CCDC92B: variants seen among roughly 807,000 people sequenced by gnomAD.
The protein encoded by CCDC92B is coiled-coil domain-containing 92B.
Under a neutral mutation model 5.6 loss-of-function variants are expected in CCDC92B, and 2 were observed. The ratio of observed to expected loss-of-function variants is 0.36; its 90% confidence interval spans 0.15 to 1.12. CCDC92B has a LOEUF of 1.12. Among genes scored for constraint, CCDC92B ranks in the 50% most tolerant of loss-of-function variants. The pLI is 0.40. For synonymous variants in CCDC92B, 115 were observed against 122.3 expected (o/e 0.94, Z 0.39); for missense variants, 271 against 262.2 (o/e 1.03, Z -0.23).
intron 1 of CCDC92B, chr17:2,748,003 GT>G: frequency 2.4e-6 from 1 of 409,548 alleles, no homozygotes. Flanking sequence ...GAAAGGTAAA[GT>G]AGTTTGCTCA....
chr17:2,738,358 A>G (rs891161974), intron 1 of CCDC92B, among the ~76,000 whole-genome samples: 1 of 151,906 alleles, frequency 6.6e-6, no homozygotes, highest in Non-Finnish European at 1.5e-5. Flanking sequence ...TCTTTCAGTT[A>G]CCTGCTGTGA....
Position 2,721,368 on chromosome 17 carries a change from G to A in CCDC92B, c.*3043C>T, listed in dbSNP as rs1355798402. 6.6e-6 allele frequency: 1 copy of A among 152,316 alleles called. No homozygotes were observed. The highest frequency in any genetic ancestry group is 1.5e-5 in the Non-Finnish European group (1 of 68,110). 9.4% of individuals were successfully genotyped at this position (152,316 alleles called of 1,614,324 possible). ...CCTCTTCAACACTCTCTCTCCCAATGGGGATTCGTGCAGCAGAGGAGAGAG... is the reference window on the plus strand; with the variant it reads ...CCTCTTCAACACTCTCTCTCCCAATAGGGATTCGTGCAGCAGAGGAGAGAG... On this transcript the variant is annotated 3_prime_UTR_variant, in exon 4 of 4. Coordinates refer to ENST00000614400, the MANE Select transcript of CCDC92B (RefSeq NM_001355573.2).
intron 1 of CCDC92B, chr17:2,748,418 T>C (rs778394339): frequency 2.0e-6 from 2 of 985,172 alleles, no homozygotes; most frequent in Non-Finnish European, 2.4e-6. Flanking sequence ...TCTGCCATAT[T>C]ATCACTCTTT....
intron 3 of CCDC92B, among the ~76,000 whole-genome samples, chr17:2,728,673 C>G (rs1452957443): frequency 6.6e-6 from 1 of 151,896 alleles, no homozygotes. Flanking sequence ...CCCAGGTGAT[C>G]TCAAAAGCCC....
Position 2,724,967 on chromosome 17 carries a change from C to T in CCDC92B, c.212G>A (p.Arg71His), listed in dbSNP as rs2070708843. 2 of 985,492 alleles carry T rather than the reference C, an allele frequency of 2.0e-6. No homozygotes were observed. The highest frequency in any genetic ancestry group is 2.4e-6 in the Non-Finnish European group (2 of 830,018). 61.0% of individuals were successfully genotyped at this position (985,492 alleles called of 1,614,324 possible). ...AASRELESKC[R>H]ALESQLEARA... ...CGCCTCCAGCTGCGACTCCAGCGCG[C>T]GGCACTTGCTCTCCAGCTCCCGGGA... Residue 71 changes from arginine (R) to histidine (H), a missense_variant, in exon 4 of 4, where the codon CGC becomes CAC. Transcript: ENST00000614400. The surrounding 1 kb of genome is among the most constrained non-coding windows in gnomAD (Gnocchi z 5.0).
chr17:2,738,879 T>A (rs1453247795), intron 1 of CCDC92B, among the ~76,000 whole-genome samples: 1 of 151,268 alleles, frequency 6.6e-6, no homozygotes, highest in East Asian at 1.9e-4. Flanking sequence ...GAGACCAGGC[T>A]GACCAATATG....
intron 3 of CCDC92B, among the ~76,000 whole-genome samples, chr17:2,727,695 G>A (rs1187707792): frequency 2.0e-5 from 3 of 152,160 alleles, no homozygotes; most frequent in South Asian, 4.2e-4. Flanking sequence ...ATGGTGGTGT[G>A]CGCCTGTGAT....
intron 1 of CCDC92B, among the ~76,000 whole-genome samples, chr17:2,744,907 A>G (rs926120679): frequency 5.3e-5 from 8 of 151,790 alleles, no homozygotes; most frequent in Non-Finnish European, 1.0e-4. Context: ...CGTCTCTACT[A>G]AAGATACAAA....
At chr17:2,726,088 C>A (rs888081427) in intron 3 of CCDC92B, among the ~76,000 whole-genome samples, 6 of 146,518 alleles carry the variant, frequency 4.1e-5, no homozygotes, top group African/African-American at 1.3e-4. Context: ...CTTAGCCTTA[C>A]GGGTTCAAGC....
chr17:2,731,067 C>T (rs567814944), intron 2 of CCDC92B, among the ~76,000 whole-genome samples: 3 of 152,208 alleles, frequency 2.0e-5, no homozygotes, highest in Non-Finnish European at 4.4e-5. Flanking sequence ...TGCCCCTTCC[C>T]AAGCCCCAGT....
intron 2 of CCDC92B, among the ~76,000 whole-genome samples, chr17:2,734,588 C>G (rs1357689813): frequency 6.6e-6 from 1 of 151,528 alleles, no homozygotes; most frequent in Non-Finnish European, 1.5e-5. Flanking sequence ...CTCCTGGGTT[C>G]AAGCGATTCC....
In CCDC92B at chr17:2,725,389, CAAAAACAA is replaced by C. The variant is rs1323229881; in HGVS notation, c.179-397_179-390del. On this transcript the variant is annotated intron_variant, in intron 3 of 3. Transcript: ENST00000614400. ...CACAACGAGATTCCGTCTCAAAAAG[CAAAAACAA>C]AAAAACAAAACAAAGCCCCACTCCT... Among the ~76,000 whole-genome samples the C allele has an allele frequency of 2.0e-5, 3 of 151,684 alleles. No individual in the cohort carries two copies. The East Asian group carries it at 5.9e-4, about 30-fold the overall frequency.
chr17:2,734,887 A>C, intron 2 of CCDC92B, 129 bp downstream of exon 2: 2 of 682,262 alleles, frequency 2.9e-6, no homozygotes, highest in Non-Finnish European at 3.6e-6. Flanking sequence ...CCTTAATCAG[A>C]AAAAGAGGCA....
chr17:2,736,369 G>C (rs542697463), intron 1 of CCDC92B, among the ~76,000 whole-genome samples: 2 of 152,006 alleles, frequency 1.3e-5, no homozygotes, highest in African/African-American at 4.8e-5. Flanking sequence ...GGAGGTTGCA[G>C]TGAACTGAGA....
chr17:2,732,841 GTC>G (rs1354581629), intron 2 of CCDC92B, among the ~76,000 whole-genome samples: 3 of 151,308 alleles, frequency 2.0e-5, no homozygotes, highest in African/African-American at 7.3e-5. Flanking sequence ...GTGAAACCCC[GTC>G]TCTACTAAAA....
rs78635908 is a variant in CCDC92B at position 2,722,249 on chromosome 17, G to A, written c.*2162C>T. 1 of 152,230 alleles carries A rather than the reference G, an allele frequency of 6.6e-6. No homozygotes were observed. Among genetic ancestry groups the A allele is most frequent in the African/African-American group, 2.4e-5 (1 of 41,354 alleles). 9.4% of individuals were successfully genotyped at this position (152,230 alleles called of 1,614,324 possible). ...CACACAAGACAGGTTCTGAAAGGGA[G>A]GGGGACAGAATAGGGGTGCAGTGAG... On this transcript the variant is annotated 3_prime_UTR_variant, in exon 4 of 4. Coordinates refer to ENST00000614400, the MANE Select transcript of CCDC92B (RefSeq NM_001355573.2).
chr17:2,739,186 TA>T (rs1273465995), intron 1 of CCDC92B, among the ~76,000 whole-genome samples: 1 of 149,660 alleles, frequency 6.7e-6, no homozygotes, highest in East Asian at 2.0e-4. Context: ...GCTAACATGG[TA>T]GAACCCCATC....
chr17:2,746,817 C>T (rs769391562), intron 1 of CCDC92B, among the ~76,000 whole-genome samples: 4 of 151,958 alleles, frequency 2.6e-5, no homozygotes, highest in Non-Finnish European at 5.9e-5. Flanking sequence ...ATTACAGGCA[C>T]CCACCCAACA....
chr17:2,732,066 A>G (rs904535850), intron 2 of CCDC92B, among the ~76,000 whole-genome samples: 4 of 152,244 alleles, frequency 2.6e-5, no homozygotes, highest in African/African-American at 9.6e-5. Context: ...GGCTGTCGCC[A>G]GGATTAAATG....
Sources: allele counts gnomAD v4.1 joint callset (sites outside exome capture counted in the v4.1 genomes callset), GRCh38; gene constraint gnomAD v4.1.1; non-coding constraint Gnocchi (gnomAD v3.1); transcripts MANE v1.5; gene names NCBI Gene and HGNC (gene_info 2026-07-23, HGNC 2026-07-21).